The following ZEB1 variants were observed in gnomAD, a reference collection of about 807,000 sequenced individuals.
ZEB1 encodes zinc finger E-box binding homeobox 1.
ZEB1 carries 21 observed loss-of-function variants against 84.9 expected under a neutral mutation model. That is an observed-to-expected ratio of 0.25 (90% CI 0.18 to 0.36). The LOEUF is 0.36. Ranked by LOEUF, ZEB1 falls within the 10% of genes least tolerant of loss-of-function variation. The pLI is 1.00. For synonymous variants in ZEB1, 420 were observed against 471.1 expected (o/e 0.89, Z 1.41); for missense variants, 1,104 against 1,330.2 (o/e 0.83, Z 2.65).
At chr10:31,377,588 C>A (rs1346189944) in intron 1 of ZEB1, among the ~76,000 whole-genome samples, 1 of 151,630 alleles carries the variant, frequency 6.6e-6, no homozygotes, top group African/African-American at 2.4e-5. Context: ...TTGTATAATG[C>A]CCTTCAAATT....
chr10:31,341,331 A>G (rs1362334635), intron 1 of ZEB1, among the ~76,000 whole-genome samples: 4 of 152,172 alleles, frequency 2.6e-5, no homozygotes, highest in African/African-American at 9.7e-5. Flanking sequence ...GATAAATAGT[A>G]AATTTAGTAG....
At chr10:31,505,882 A>G (rs1186237063) in intron 4 of ZEB1, among the ~76,000 whole-genome samples, 1 of 151,630 alleles carries the variant, frequency 6.6e-6, no homozygotes, top group Admixed American at 6.6e-5. Context: ...TTAGGTATTT[A>G]TTGCTATATA....
In ZEB1 at chr10:31,528,760, G is replaced by A. The variant is rs904225357; in HGVS notation, c.*1496G>A. ...GAAAGTTGATAAGATTTAAAGTAGA[G>A]ATGCAATTGGTTCTCCTGCATTGAG... On this transcript the variant is annotated 3_prime_UTR_variant, in exon 9 of 9. Transcript: ENST00000424869. 6.6e-6 allele frequency: 1 copy of A among 152,148 alleles called. No homozygotes were observed. Among genetic ancestry groups the A allele is most frequent in the African/African-American group, 2.4e-5 (1 of 41,424 alleles). 9.4% of individuals were successfully genotyped at this position (152,148 alleles called of 1,614,324 possible).
At chr10:31,472,251 CA>C in intron 2 of ZEB1, among the ~76,000 whole-genome samples, 1 of 151,934 alleles carries the variant, frequency 6.6e-6, no homozygotes, top group East Asian at 1.9e-4. Flanking sequence ...AAAAACCCTT[CA>C]AAAAATTAAT....
At chr10:31,473,252 A>T (rs2063542830) in intron 2 of ZEB1, among the ~76,000 whole-genome samples, 1 of 149,988 alleles carries the variant, frequency 6.7e-6, no homozygotes, top group Non-Finnish European at 1.5e-5. Flanking sequence ...TCAATTAGGA[A>T]AAGAGGAAGT....
At chr10:31,471,053 C>T (rs945021298) in intron 2 of ZEB1, among the ~76,000 whole-genome samples, 4 of 129,736 alleles carry the variant, frequency 3.1e-5, no homozygotes, top group South Asian at 5.9e-4. Flanking sequence ...TAAAAGAGCT[C>T]CTGAAGGAAG....
intron 6 of ZEB1, among the ~76,000 whole-genome samples, chr10:31,515,342 T>A (rs1592038971): frequency 6.6e-6 from 1 of 152,072 alleles, no homozygotes; most frequent in Non-Finnish European, 1.5e-5. Context: ...ATATTTGCAT[T>A]TCTTTGGAGA....
chr10:31,347,548 G>A (rs2040525926), intron 1 of ZEB1, among the ~76,000 whole-genome samples: 1 of 152,022 alleles, frequency 6.6e-6, no homozygotes, highest in Admixed American at 6.6e-5. Context: ...CACTTATTTA[G>A]CATACATTCA....
Position 31,520,011 on chromosome 10 carries a change from C to A in ZEB1, c.794-115C>A. ...ATTCTAAATACAGTTCTGTCACAAG[C>A]ATGCATGGCAGTCTTCTTTTTAAAA... is the stretch of plus-strand genomic sequence containing the variant. On this transcript the variant is annotated intron_variant, in intron 6 of 8. Transcript: ENST00000424869. This position sits in a 1 kb window ranked among gnomAD's most constrained non-coding sequence, Gnocchi z 5.1. The A allele has an allele frequency of 1.5e-6, 2 of 1,331,814 alleles. No individual in the cohort carries two copies. Among genetic ancestry groups the A allele is most frequent in the Non-Finnish European group, 2.1e-6 (2 of 971,078 alleles). 82.5% of individuals were successfully genotyped at this position (1,331,814 alleles called of 1,614,324 possible).
intron 1 of ZEB1, among the ~76,000 whole-genome samples, chr10:31,369,742 G>A (rs2045354703): frequency 1.3e-5 from 2 of 152,142 alleles, no homozygotes; most frequent in African/African-American, 4.8e-5. Context: ...AGATCATACA[G>A]TAGTTCTATT....
intron 2 of ZEB1, among the ~76,000 whole-genome samples, chr10:31,462,717 A>G (rs2061953048): frequency 6.6e-6 from 1 of 152,216 alleles, no homozygotes; most frequent in Non-Finnish European, 1.5e-5. Context: ...AAGGAATTTG[A>G]ACCTTATCAT....
rs929852990 is a variant in ZEB1 at position 31,399,603 on chromosome 10, T to C, written c.59-61434T>C. ...CTTACCTGTATTGATGCAAAAAGCC[T>C]CCTGTAATTGGTCTTCCTGTTTTTT... On this transcript the variant is annotated intron_variant, in intron 1 of 8. Coordinates refer to ENST00000424869, the MANE Select transcript of ZEB1 (RefSeq NM_001174096.2). 2.6e-5 allele frequency among the ~76,000 whole-genome samples: 4 copies of C among 152,178 alleles called. No homozygotes were observed. The East Asian group carries it at 7.7e-4, about 29-fold the overall frequency.
chr10:31,401,676 A>G (rs536950542), intron 1 of ZEB1, among the ~76,000 whole-genome samples: 1 of 152,322 alleles, frequency 6.6e-6, no homozygotes, highest in African/African-American at 2.4e-5. Flanking sequence ...TGCATTTTCA[A>G]AATAAGTGTT....
At chr10:31,443,795 C>G (rs1161998147) in intron 1 of ZEB1, among the ~76,000 whole-genome samples, 288 of 149,674 alleles carry the variant, frequency 1.9e-3, no homozygotes, top group African/African-American at 7.0e-3. Context: ...GCCACCTTTT[C>G]TTAATCCAGT....
At chr10:31,415,047 C>T (rs1310393244) in intron 1 of ZEB1, among the ~76,000 whole-genome samples, 2 of 152,148 alleles carry the variant, frequency 1.3e-5, no homozygotes, top group African/African-American at 2.4e-5. Context: ...TACATTGTTG[C>T]TTGTTCAAAA....
At chr10:31,522,001 T>C (rs370507556) in intron 7 of ZEB1, 65 bp downstream of exon 7, 3 of 1,607,524 alleles carry the variant, frequency 1.9e-6, no homozygotes, top group East Asian at 2.2e-5. Flanking sequence ...TCAATTAACT[T>C]TGTCTAATAA....
At chr10:31,335,654 C>A (rs531914314) in intron 1 of ZEB1, among the ~76,000 whole-genome samples, 1 of 152,238 alleles carries the variant, frequency 6.6e-6, no homozygotes, top group South Asian at 2.1e-4. Flanking sequence ...AAATTTCCAG[C>A]CCTACCTTCT....
chr10:31,470,010 T>G (rs1458605783), intron 2 of ZEB1, among the ~76,000 whole-genome samples: 1 of 151,900 alleles, frequency 6.6e-6, no homozygotes, highest in Admixed American at 6.6e-5. Flanking sequence ...GTCCTGTCTG[T>G]TAGAAGGAAA....
At chr10:31,516,101 G>C (rs529153233) in intron 6 of ZEB1, among the ~76,000 whole-genome samples, 1 of 152,170 alleles carries the variant, frequency 6.6e-6, no homozygotes, top group Admixed American at 6.6e-5. Context: ...TGAAATACTG[G>C]TCTAGAAATA....
Sources: gnomAD v4.1 joint callset for allele counts (sites outside exome capture counted in the v4.1 genomes callset) on GRCh38, gnomAD v4.1.1 for gene constraint, Gnocchi (gnomAD v3.1) non-coding constraint, MANE v1.5 for transcripts, NCBI Gene and HGNC (gene_info 2026-07-23, HGNC 2026-07-21) for gene names.